The following GRID2 variants were observed in gnomAD, a reference collection of about 807,000 sequenced individuals.
GRID2 encodes the protein glutamate receptor ionotropic, delta-2.
A neutral mutation model predicts 114.8 loss-of-function variants in GRID2; 33 were observed. The ratio of observed to expected loss-of-function variants is 0.29; its 90% CI spans 0.22 to 0.38. The LOEUF is 0.38. Ranked by LOEUF, GRID2 falls within the 10% of genes least tolerant of loss-of-function variation. GRID2 has a pLI of 1.00. For synonymous variants in GRID2, 505 were observed against 449.9 expected (o/e 1.12, Z -1.55); for missense variants, 1,184 against 1,257.7 (o/e 0.94, Z 0.89).
At chr4:93,800,432 G>T (rs550230825) in intron 1 of GRID2, among the ~76,000 whole-genome samples, 1 of 152,178 alleles carries the variant, frequency 6.6e-6, no homozygotes, top group Non-Finnish European at 1.5e-5. Flanking sequence ...AATTTCTAGA[G>T]ATGTAAGTAG....
At chr4:92,578,181 A>G (rs1727998464) in intron 1 of GRID2, among the ~76,000 whole-genome samples, 1 of 148,832 alleles carries the variant, frequency 6.7e-6, no homozygotes. Context: ...GGTTAGTTAC[A>G]TATGTATACA....
chr4:92,838,122 T>C (rs1742597083), intron 2 of GRID2, among the ~76,000 whole-genome samples: 1 of 152,050 alleles, frequency 6.6e-6, no homozygotes, highest in African/African-American at 2.4e-5. Context: ...CCTTCAATAT[T>C]ATATTGACAT....
At chr4:93,301,560 CA>C (rs745993806) in intron 8 of GRID2, among the ~76,000 whole-genome samples, 9 of 151,734 alleles carry the variant, frequency 5.9e-5, no homozygotes, top group Non-Finnish European at 8.8e-5. Flanking sequence ...ATGATAATAT[CA>C]AAAAAACAGA....
intron 8 of GRID2, among the ~76,000 whole-genome samples, chr4:93,265,600 A>G (rs762467860): frequency 2.6e-5 from 4 of 152,184 alleles, no homozygotes; most frequent in Non-Finnish European, 5.9e-5. Flanking sequence ...CAAACTTCTA[A>G]ATAAAGACCC....
intron 1 of GRID2, among the ~76,000 whole-genome samples, chr4:92,347,946 A>G (rs1392674560): frequency 2.0e-5 from 3 of 152,174 alleles, no homozygotes; most frequent in African/African-American, 7.2e-5. Flanking sequence ...AAAATAAGTA[A>G]TAGTAGCAGA....
chr4:93,699,029 A>G (rs1487376249), intron 14 of GRID2, among the ~76,000 whole-genome samples: 1 of 152,102 alleles, frequency 6.6e-6, no homozygotes, highest in Non-Finnish European at 1.5e-5. Context: ...AGTGCTAAGT[A>G]GGGTGCCCAT....
At chr4:92,683,254 G>A (rs891575581) in intron 2 of GRID2, among the ~76,000 whole-genome samples, 1 of 151,426 alleles carries the variant, frequency 6.6e-6, no homozygotes, top group South Asian at 2.1e-4. Flanking sequence ...AGTGGAGATC[G>A]CGCCCCTGCA....
chr4:92,808,726 A>G (rs371514599), intron 2 of GRID2, among the ~76,000 whole-genome samples: 1 of 152,030 alleles, frequency 6.6e-6, no homozygotes, highest in East Asian at 1.9e-4. Context: ...GTCACAGAAC[A>G]TGAAATCTCT....
chr4:93,540,119 ATTC>A (rs1732512876), intron 13 of GRID2, among the ~76,000 whole-genome samples: 1 of 151,878 alleles, frequency 6.6e-6, no homozygotes, highest in Non-Finnish European at 1.5e-5. Flanking sequence ...GAAATTTTCT[ATTC>A]TTATCTTTCA....
At chr4:92,889,383 G>A (rs1560672272) in intron 2 of GRID2, among the ~76,000 whole-genome samples, 1 of 152,104 alleles carries the variant, frequency 6.6e-6, no homozygotes, top group African/African-American at 2.4e-5. Flanking sequence ...CATCGTCTCA[G>A]CCCAGAAACT....
chr4:93,202,424 C>G (rs895760497), intron 4 of GRID2, among the ~76,000 whole-genome samples: 1 of 152,024 alleles, frequency 6.6e-6, no homozygotes, highest in Admixed American at 6.6e-5. Context: ...TTTCTTAATT[C>G]CTTTCATTGA....
At chr4:92,751,143 C>T (rs1035914247) in intron 2 of GRID2, among the ~76,000 whole-genome samples, 3 of 151,858 alleles carry the variant, frequency 2.0e-5, no homozygotes, top group African/African-American at 7.3e-5. Flanking sequence ...TAATCAAATG[C>T]AGTAGAAAAT....
At chr4:93,063,102 CTCTT>C (rs1454427158) in intron 2 of GRID2, among the ~76,000 whole-genome samples, 1 of 151,902 alleles carries the variant, frequency 6.6e-6, no homozygotes, top group Non-Finnish European at 1.5e-5. Context: ...TTCTTACACT[CTCTT>C]TATTTTGAAA....
intron 2 of GRID2, among the ~76,000 whole-genome samples, chr4:92,856,919 G>A (rs964944895): frequency 1.3e-5 from 2 of 152,080 alleles, no homozygotes; most frequent in South Asian, 2.1e-4. Flanking sequence ...CAATGAACAC[G>A]TGCTTACTTC....
At chr4:92,360,465 T>A (rs930524253) in intron 1 of GRID2, among the ~76,000 whole-genome samples, 1 of 151,934 alleles carries the variant, frequency 6.6e-6, no homozygotes, top group African/African-American at 2.4e-5. Flanking sequence ...CTGAGTGCCA[T>A]ATGCCAGATT....
At chr4:93,800,216 C>T (rs1042798230) in intron 1 of GRID2, among the ~76,000 whole-genome samples, 2 of 152,198 alleles carry the variant, frequency 1.3e-5, no homozygotes, top group African/African-American at 4.8e-5. Flanking sequence ...ACAATCAGCA[C>T]GATGTAGTGT....
At chr4:92,758,306 T>G (rs1472389466) in intron 2 of GRID2, among the ~76,000 whole-genome samples, 3 of 152,064 alleles carry the variant, frequency 2.0e-5, no homozygotes, top group African/African-American at 7.2e-5. Flanking sequence ...AATGAATTAG[T>G]GAGATGCAAA....
intron 2 of GRID2, among the ~76,000 whole-genome samples, chr4:92,899,058 T>A (rs574606441): frequency 6.6e-6 from 1 of 152,090 alleles, no homozygotes; most frequent in South Asian, 2.1e-4. Context: ...CATCAGTATA[T>A]CTGATAAAAG....
At chr4:93,112,424 A>T (rs539682066) in intron 4 of GRID2, among the ~76,000 whole-genome samples, 2 of 151,980 alleles carry the variant, frequency 1.3e-5, no homozygotes, top group Non-Finnish European at 2.9e-5. Context: ...TGCTGTTCTC[A>T]TGATAGTGAG....
Sources: gnomAD v4.1 joint callset for allele counts (sites outside exome capture counted in the v4.1 genomes callset) on GRCh38, gnomAD v4.1.1 for gene constraint, MANE v1.5 for transcripts, NCBI Gene and HGNC (gene_info 2026-07-23, HGNC 2026-07-21) for gene names.